The following FILIP1L variants were observed in gnomAD, a reference collection of about 807,000 sequenced individuals.
The protein encoded by FILIP1L is filamin A-interacting protein 1-like.
FILIP1L carries 55 observed loss-of-function variants against 96.6 expected under a neutral mutation model. The observed-to-expected ratio is 0.57, with a 90% CI of 0.46 to 0.71. The LOEUF is 0.71. FILIP1L is among the 30% of genes least tolerant of loss of function. FILIP1L has a pLI of 0.00. For synonymous variants in FILIP1L, 467 were observed against 473.9 expected, an observed-to-expected ratio of 0.99 and a Z score of 0.19; for missense variants, 1,304 against 1,321.2, an observed-to-expected ratio of 0.99 and a Z score of 0.20.
At chr3:99,948,693 G>C (rs905334248) in intron 1 of FILIP1L, among the ~76,000 whole-genome samples, 1 of 146,842 alleles carries the variant, frequency 6.8e-6, no homozygotes, top group Non-Finnish European at 1.5e-5. Flanking sequence ...AGAGGAGAAA[G>C]GAGAGAGAAA....
chr3:99,879,876 G>A (rs1705662720), intron 4 of FILIP1L, among the ~76,000 whole-genome samples: 1 of 152,136 alleles, frequency 6.6e-6, no homozygotes, highest in Non-Finnish European at 1.5e-5. Context: ...ACAGACCCAG[G>A]ATTGCATAGG....
intron 1 of FILIP1L, among the ~76,000 whole-genome samples, chr3:100,097,935 G>T (rs925724997): frequency 1.3e-5 from 2 of 152,078 alleles, no homozygotes; most frequent in African/African-American, 2.4e-5. Flanking sequence ...TATTTTGTTG[G>T]TTTTTTAAAA....
At chr3:99,899,513 G>T (rs1553694483) in intron 4 of FILIP1L, among the ~76,000 whole-genome samples, 1 of 152,118 alleles carries the variant, frequency 6.6e-6, no homozygotes, top group Non-Finnish European at 1.5e-5. Context: ...AAAGGATTTA[G>T]TTTTTTTGTG....
intron 4 of FILIP1L, among the ~76,000 whole-genome samples, chr3:99,914,790 C>T (rs1001875501): frequency 6.6e-6 from 1 of 152,120 alleles, no homozygotes; most frequent in Non-Finnish European, 1.5e-5. Flanking sequence ...GTTCTTTATA[C>T]TAGTGACAAA....
chr3:100,083,710 TA>T (rs555707550), intron 1 of FILIP1L, among the ~76,000 whole-genome samples: 1 of 152,254 alleles, frequency 6.6e-6, no homozygotes, highest in African/African-American at 2.4e-5. Flanking sequence ...TTCAACTTCA[TA>T]AAAAAAATTT....
At position 99,850,653 on chromosome 3, in the gene FILIP1L, G is replaced by A. The variant is rs960816465; in HGVS notation, c.1023C>T (p.Asn341=). 1 of 1,613,938 alleles carries A rather than the reference G, an allele frequency of 6.2e-7. No homozygotes were observed. Among genetic ancestry groups the A allele is most frequent in the Non-Finnish European group, 8.5e-7 (1 of 1,180,024 alleles). The change falls in exon 5 of 6, where the codon AAC becomes AAT. Residue 341 remains asparagine, a synonymous_variant. Coordinates refer to ENST00000477258, the MANE Select transcript of FILIP1L (RefSeq NM_001387850.1). The stretch of plus-strand genomic sequence containing the variant: ...CCTCTTCTGCTTTTCGTAAAGACCT[G>A]TTTGTCTCTTCTAACTCATCAATCT... ...SRQIDELEET[N]RSLRKAEEEL... is the part of the protein sequence containing the mutation.
chr3:99,931,111 T>G, intron 1 of FILIP1L, 81 bp from the exon 2 acceptor site: 1 of 1,172,440 alleles, frequency 8.5e-7, no homozygotes, highest in South Asian at 1.5e-5. Flanking sequence ...TTAACAAGTC[T>G]ACATTCTTGT....
At chr3:99,964,809 C>G (rs73138610) in intron 1 of FILIP1L, among the ~76,000 whole-genome samples, 18,481 of 152,094 alleles carry the variant, frequency 0.12, 1,508 homozygotes, top group Non-Finnish European at 0.18. Flanking sequence ...GGGATCATAC[C>G]TTCACACACC....
intron 4 of FILIP1L, among the ~76,000 whole-genome samples, chr3:99,907,756 T>G (rs1469741590): frequency 6.6e-6 from 1 of 152,182 alleles, no homozygotes; most frequent in African/African-American, 2.4e-5. Flanking sequence ...TTTCTCCTTG[T>G]CTGAACTATG....
At chr3:99,958,215 T>G (rs1708392033) in intron 1 of FILIP1L, among the ~76,000 whole-genome samples, 1 of 135,970 alleles carries the variant, frequency 7.4e-6, no homozygotes, top group South Asian at 2.2e-4. Context: ...TTATTATTAT[T>G]ATTATTATTA....
At chr3:99,918,557 C>G (rs1375085494) in intron 4 of FILIP1L, among the ~76,000 whole-genome samples, 1 of 152,164 alleles carries the variant, frequency 6.6e-6, no homozygotes, top group Non-Finnish European at 1.5e-5. Flanking sequence ...GTAGCATTGT[C>G]ACTCTATCTG....
At chr3:100,076,434 T>G (rs1206334888) in intron 1 of FILIP1L, among the ~76,000 whole-genome samples, 2 of 152,252 alleles carry the variant, frequency 1.3e-5, no homozygotes, top group Non-Finnish European at 2.9e-5. Context: ...ATTGTCAGCA[T>G]GTGCTGAGCC....
chr3:99,876,038 C>T (rs909409475), intron 4 of FILIP1L: 15 of 985,484 alleles, frequency 1.5e-5, no homozygotes, highest in African/African-American at 3.5e-5. Context: ...CAGCAGTGCC[C>T]CTTGGTGGAG....
intron 1 of FILIP1L, among the ~76,000 whole-genome samples, chr3:99,948,569 C>A (rs143457417): frequency 0.011 from 1,205 of 111,994 alleles, 9 homozygotes; most frequent in Middle Eastern, 0.022. Context: ...AAGGAGAAGG[C>A]GAAGGAGAAG....
rs971217074 is a variant in FILIP1L at position 99,924,110 on chromosome 3, G to A, written c.605+120C>T. ...CAAACATATCCTTTTCCTCACCCTG[G>A]ACTATGAGATCTTTGAGAACAGAGA... On this transcript the variant is annotated intron_variant, in intron 4 of 5. Transcript: ENST00000477258. 4.8e-6 allele frequency: 4 copies of A among 829,286 alleles called. No individual in the cohort carries two copies. The African/African-American group carries it at 5.1e-5, about 11-fold the overall frequency. The allele number at this position is 829,286 out of a possible 1,614,324, so 51.4% of individuals were successfully genotyped here.
chr3:100,000,612 G>T (rs775546378), intron 1 of FILIP1L, among the ~76,000 whole-genome samples: 1 of 152,310 alleles, frequency 6.6e-6, no homozygotes, highest in Non-Finnish European at 1.5e-5. Context: ...CACTTTGGGA[G>T]GCCAAGGCAG....
chr3:99,925,935 A>G lies in FILIP1L; in HGVS notation c.427-1527T>C, dbSNP rs182948187. On this transcript the variant is annotated intron_variant, in intron 3 of 5. Coordinates refer to ENST00000477258, the MANE Select transcript of FILIP1L (RefSeq NM_001387850.1). ...GCTGCCACCAGAAAAACATGTTGGC[A>G]AGAGCTAACTCGGGATCTTTTGCTA... 174 of 960,886 alleles carry G rather than the reference A, an allele frequency of 1.8e-4. 1 individual carries two copies. In the African/African-American group the frequency reaches 2.7e-3, roughly 15 times the overall value. 59.5% of individuals were successfully genotyped at this position (960,886 alleles called of 1,614,324 possible). A position where few individuals can be genotyped will look rare whatever the true frequency, so the allele number is the denominator to read the frequency against.
intron 1 of FILIP1L, among the ~76,000 whole-genome samples, chr3:99,997,401 T>A (rs957091224): frequency 1.3e-5 from 2 of 152,178 alleles, no homozygotes; most frequent in African/African-American, 2.4e-5. Context: ...CACAAGTGTA[T>A]TATTGGGAAA....
At chr3:100,027,859 A>C (rs1431178501) in intron 1 of FILIP1L, among the ~76,000 whole-genome samples, 1 of 152,182 alleles carries the variant, frequency 6.6e-6, no homozygotes, top group Admixed American at 6.5e-5. Flanking sequence ...ATGCTTAGGA[A>C]GAGAACAAGT....
Sources: allele counts gnomAD v4.1 joint callset (sites outside exome capture counted in the v4.1 genomes callset), GRCh38; gene constraint gnomAD v4.1.1; transcripts MANE v1.5; gene names NCBI Gene and HGNC (gene_info 2026-07-23, HGNC 2026-07-21).